Variants in SPTA1 observed in about 807,000 individuals in gnomAD.
SPTA1 encodes the protein spectrin alpha chain, erythrocytic 1.
A neutral mutation model predicts 324.7 loss-of-function variants in SPTA1; 177 were observed. The ratio of observed to expected loss-of-function variants is 0.55; its 90% CI spans 0.48 to 0.62. SPTA1 has a LOEUF of 0.62. Ranked by LOEUF, SPTA1 falls within the 20% of genes least tolerant of loss-of-function variation. The pLI, the probability that SPTA1 is intolerant of heterozygous loss-of-function variation, is 0.00. For synonymous variants in SPTA1, 1,195 were observed against 1,041.3 expected, an observed-to-expected ratio of 1.15 and a Z score of -2.84; for missense variants, 3,162 against 2,883.6, an observed-to-expected ratio of 1.10 and a Z score of -2.21.
chr1:158,668,991 T>C (rs531041928), intron 14 of SPTA1, among the ~76,000 whole-genome samples: 12 of 152,306 alleles, frequency 7.9e-5, no homozygotes, highest in African/African-American at 2.9e-4. Context: ...ACCAAATATT[T>C]AGGTTACTTT....
intron 12 of SPTA1, among the ~76,000 whole-genome samples, chr1:158,670,869 T>G (rs1653973178): frequency 6.6e-6 from 1 of 152,050 alleles, no homozygotes; most frequent in Admixed American, 6.6e-5. Context: ...AAGATATTGC[T>G]AGAGAGGAAG....
Position 158,643,411 on chromosome 1 carries a change from A to G in SPTA1, c.4353T>C (p.Thr1451=), listed in dbSNP as rs372181965. The G allele has an allele frequency of 4.4e-5, 71 of 1,613,524 alleles. No homozygotes were observed. The highest frequency in any genetic ancestry group is 1.5e-4 in the Admixed American group (9 of 59,926). ...GGCTCTCAGCAAAATGTTCTAGGTC[A>G]GTGATCTTCCCTTCCTAAATAAAGG... ...KAITAQEGKI[T]DLEHFAESLI... Residue 1451 remains threonine (T), a synonymous_variant, in exon 31 of 52, where the codon ACT becomes ACC. Coordinates refer to ENST00000643759, the MANE Select transcript of SPTA1 (RefSeq NM_003126.4).
At position 158,653,323 on chromosome 1, in the gene SPTA1, G is replaced by A. The variant is rs762088983; in HGVS notation, c.3139C>T (p.Arg1047Ter). The A allele has an allele frequency of 2.5e-6, 4 of 1,614,004 alleles. No individual in the cohort carries two copies. Among genetic ancestry groups the A allele is most frequent in the Non-Finnish European group, 3.4e-6 (4 of 1,180,000 alleles). ...TGGGTGATGTTTCCTGGCTCTTCTC[G>A]TCGCCGCTGTGGGAGCATCGGGAAC... Reference protein sequence around the residue: ...DEFPMLPQRRREEPGNITQRQ... With the variant: ...DEFPMLPQRR The change falls in exon 22 of 52, where the codon CGA (arginine) becomes TGA (stop). Residue 1047 changes from arginine to a stop codon, truncating the protein, a stop_gained. Transcript: ENST00000643759. LOFTEE classifies it high-confidence loss of function.
chr1:158,620,718 G>A, intron 43 of SPTA1: 1 of 411,500 alleles, frequency 2.4e-6, no homozygotes. Context: ...AATGAGGGAG[G>A]TCGAATTATT....
At chr1:158,683,692 T>C (rs1654970306) in intron 2 of SPTA1, among the ~76,000 whole-genome samples, 196 bp from the exon 3 acceptor site, 1 of 152,150 alleles carries the variant, frequency 6.6e-6, no homozygotes, top group Non-Finnish European at 1.5e-5. Flanking sequence ...CCTTATGATC[T>C]ATGCCGAGCC....
intron 37 of SPTA1, 87 bp downstream of exon 37, chr1:158,636,554 T>C: frequency 5.3e-6 from 8 of 1,499,258 alleles, no homozygotes; most frequent in South Asian, 1.1e-5. Flanking sequence ...TATTTTCACG[T>C]TTTGTAGCAC....
intron 10 of SPTA1, among the ~76,000 whole-genome samples, chr1:158,672,565 T>G (rs1193346750): frequency 1.3e-5 from 2 of 152,200 alleles, no homozygotes; most frequent in Non-Finnish European, 2.9e-5. Flanking sequence ...TAATGTAATG[T>G]GAGCTAGAGA....
rs373407146 is a variant in SPTA1, at chr1:158,677,689, C to T, written c.957+1G>A. ...TAGCCATTTCTCTAACAGCGCATTA[C>T]CTTGTCACTCATGACAGCAAGATTT... is the stretch of plus-strand genomic sequence containing the variant. On this transcript the variant is annotated splice_donor_variant, in intron 7 of 51. Coordinates refer to ENST00000643759, the MANE Select transcript of SPTA1 (RefSeq NM_003126.4). LOFTEE classifies it high-confidence loss of function. 6.2e-7 allele frequency: 1 copy of T among 1,613,274 alleles called. No homozygotes were observed.
chr1:158,627,618 A>G lies in SPTA1; in HGVS notation c.5664+7T>C, dbSNP rs1260548667. ...AAGTTTGAGCTGGAATTCCTGAACT[A>G]GCTCACCTTATTTAGGATGTCTTCT... On this transcript the variant is annotated splice_region_variant and intron_variant, in intron 40 of 51. Coordinates refer to ENST00000643759, the MANE Select transcript of SPTA1 (RefSeq NM_003126.4). The G allele has an allele frequency of 6.2e-7, 1 of 1,613,178 alleles. No homozygotes were observed.
chr1:158,645,842 C>A (rs112993861), intron 27 of SPTA1, among the ~76,000 whole-genome samples: 1 of 151,974 alleles, frequency 6.6e-6, no homozygotes, highest in East Asian at 1.9e-4. Context: ...GCAGAGATTC[C>A]GGGAATTTTT....
rs192192198 is a variant in SPTA1 at position 158,629,869 on chromosome 1, A to G, written c.5566-2146T>C. 1.2e-3 allele frequency among the ~76,000 whole-genome samples: 179 copies of G among 152,076 alleles called. 1 individual carries two copies. The highest frequency in any genetic ancestry group is 4.1e-3 in the African/African-American group (171 of 41,570). Reference sequence around the variant, plus strand: ...ATTGTAAACAATAAACTATCTGAAAAAGAAATTAAGAAAATAATTCCTTTT... The same window carrying G: ...ATTGTAAACAATAAACTATCTGAAAGAGAAATTAAGAAAATAATTCCTTTT... On this transcript the variant is annotated intron_variant, in intron 39 of 51. Transcript: ENST00000643759.
chr1:158,629,108 T>C (rs1650495158), intron 39 of SPTA1, among the ~76,000 whole-genome samples: 1 of 151,274 alleles, frequency 6.6e-6, no homozygotes. Flanking sequence ...AGCCAGGCGA[T>C]AATTCTCTCA....
chr1:158,655,192 TA>T (rs1476260354), intron 20 of SPTA1, among the ~76,000 whole-genome samples: 1 of 151,860 alleles, frequency 6.6e-6, no homozygotes, highest in Non-Finnish European at 1.5e-5. Context: ...TTCTGGCCTT[TA>T]AGTTACTATG....
rs138055271 is a variant in SPTA1 at position 158,619,315 on chromosome 1, T to C, written c.6437A>G (p.Gln2146Arg). ...CTTGACCTGTCTTGCCTCTTCCTTT[T>C]GCAGCTCCTGCTCCCGTTCCTAAAA... ...DIIEEREQEL[Q>R]KEEARQVKNF... The change falls in exon 45 of 52, where the codon CAA (glutamine) becomes CGA (arginine). Residue 2146 changes from glutamine to arginine, a missense_variant. By Grantham distance (43) the Gln-to-Arg change is conservative. Transcript: ENST00000643759. 0.011 allele frequency: 17,572 copies of C among 1,614,130 alleles called. 103 individuals are homozygous for C. Among genetic ancestry groups the C allele is most frequent in the Middle Eastern group, 0.017 (101 of 6,062 alleles).
At chr1:158,627,327 A>G (rs1190497540) in intron 40 of SPTA1, among the ~76,000 whole-genome samples, 1 of 152,224 alleles carries the variant, frequency 6.6e-6, no homozygotes, top group African/African-American at 2.4e-5. Context: ...TTCTATGGCC[A>G]AAGCTAGTGA....
At chr1:158,654,576 C>T (rs1260331346) in intron 21 of SPTA1, 35 bp downstream of exon 21, 4 of 1,613,484 alleles carry the variant, frequency 2.5e-6, no homozygotes, top group South Asian at 1.1e-5. Context: ...CTGAAAGAGC[C>T]ACTTTTTGAT....
intron 10 of SPTA1, among the ~76,000 whole-genome samples, chr1:158,673,522 T>C (rs1458047323): frequency 6.6e-6 from 1 of 152,200 alleles, no homozygotes; most frequent in African/African-American, 2.4e-5. Context: ...GTCCTGTTAT[T>C]TAATGCAAAT....
rs181632918 is a variant in SPTA1 at position 158,671,513 on chromosome 1, G to A, written c.1489-60C>T. 1.5e-4 allele frequency: 207 copies of A among 1,365,992 alleles called. No individual in the cohort carries two copies. The African/African-American group carries it at 2.6e-3, about 17-fold the overall frequency. The allele number at this position is 1,365,992 out of a possible 1,614,324, so 84.6% of individuals were successfully genotyped here. A position where few individuals can be genotyped will look rare whatever the true frequency, so the allele number is the denominator to read the frequency against. On this transcript the variant is annotated intron_variant, in intron 11 of 51. Transcript: ENST00000643759. ...CTGACCGGTAAGAAACATTCCTCTT[G>A]GCATATCTCTGAGACAAGGACTAAG...
At chr1:158,683,570 C>G in intron 2 of SPTA1, 74 bp from the exon 3 acceptor site, 1 of 1,593,780 alleles carries the variant, frequency 6.3e-7, no homozygotes, top group Non-Finnish European at 8.6e-7. Context: ...TATGTAAAGC[C>G]ACCAAACACA....
Sources: allele counts gnomAD v4.1 joint callset (sites outside exome capture counted in the v4.1 genomes callset), GRCh38; gene constraint gnomAD v4.1.1; transcripts MANE v1.5; gene names NCBI Gene and HGNC (gene_info 2026-07-23, HGNC 2026-07-21).